RELCH: variants seen among roughly 807,000 people sequenced by gnomAD.
The protein encoded by RELCH is RAB11-binding protein RELCH.
In RELCH, 41 loss-of-function variants were observed where a neutral mutation model predicts 150.3. That is an observed-to-expected ratio of 0.27 (90% CI 0.21 to 0.35). The LOEUF (loss-of-function observed/expected upper bound fraction) is 0.35, where lower values mean the gene tolerates loss of function less well. Ranked by LOEUF, RELCH falls within the 10% of genes least tolerant of loss-of-function variation. The pLI, the probability that RELCH is intolerant of heterozygous loss-of-function variation, is 1.00. For missense variants in RELCH, 1,092 were observed against 1,467.8 expected (o/e 0.74, Z 4.18); for synonymous variants, 478 against 531.8 (o/e 0.90, Z 1.39).
At chr18:62,221,656 A>G (rs903420470) in intron 5 of RELCH, among the ~76,000 whole-genome samples, 159 bp downstream of exon 5, 2 of 150,564 alleles carry the variant, frequency 1.3e-5, no homozygotes, top group Non-Finnish European at 3.0e-5. Flanking sequence ...AGCTAATTCT[A>G]TTAGCTTACA....
intron 2 of RELCH, among the ~76,000 whole-genome samples, chr18:62,219,325 C>CTTTTTT (rs202196452): frequency 1.8e-5 from 2 of 112,856 alleles, no homozygotes; most frequent in Non-Finnish European, 3.6e-5. Flanking sequence ...TTCTTTTTTT[C>CTTTTTT]TTTTTTTTTT....
intron 8 of RELCH, 94 bp from the exon 9 acceptor site, chr18:62,231,100 C>A: frequency 1.2e-6 from 1 of 824,044 alleles, no homozygotes; most frequent in Non-Finnish European, 2.0e-6. Context: ...AGGATTAATG[C>A]TGGAATGGAA....
intron 11 of RELCH, among the ~76,000 whole-genome samples, chr18:62,249,276 A>G (rs2148521073): frequency 6.6e-6 from 1 of 152,328 alleles, no homozygotes; most frequent in Non-Finnish European, 1.5e-5. Flanking sequence ...AGGAGAATAC[A>G]AACACTTCTA....
chr18:62,208,729 A>G (rs373371595), intron 1 of RELCH, among the ~76,000 whole-genome samples: 2 of 152,072 alleles, frequency 1.3e-5, no homozygotes, highest in East Asian at 1.9e-4. Flanking sequence ...CTCTTCATTT[A>G]GCTCCCACTT....
intron 11 of RELCH, among the ~76,000 whole-genome samples, chr18:62,250,858 A>G (rs1003970200): frequency 1.3e-5 from 2 of 152,260 alleles, no homozygotes; most frequent in African/African-American, 4.8e-5. Context: ...TACTGATTTT[A>G]TAATTAATGT....
Position 62,221,454 on chromosome 18 carries a change from A to G in RELCH, c.815A>G (p.Tyr272Cys), listed in dbSNP as rs201602986. The G allele has an allele frequency of 1.9e-6, 3 of 1,573,370 alleles. No individual in the cohort carries two copies. The highest frequency in any genetic ancestry group is 1.4e-5 in the African/African-American group (1 of 73,776). Residue 272 changes from tyrosine to cysteine, a missense_variant, in exon 5 of 29, where the codon TAT becomes TGT. Physicochemically the swap from Tyr to Cys is radical, Grantham distance 194 (BLOSUM62 -2). Transcript: ENST00000644646. ...AATGAATTTTTATTGAAGAATAACT[A>G]TAAGCTTACATCAATAACCTTTTCA... ...LVNEFLLKNN[Y>C]KLTSITFSDE...
At chr18:62,262,887 G>A (rs561459239) in intron 16 of RELCH, among the ~76,000 whole-genome samples, 148 of 53,568 alleles carry the variant, frequency 2.8e-3, no homozygotes, top group African/African-American at 0.015. Context: ...TGTTGGCAGG[G>A]TAGTCTTAGG....
In RELCH at chr18:62,231,249, G is replaced by A. The variant is rs1292716732; in HGVS notation, c.1504G>A (p.Asp502Asn). ...ACTCTCTTTTTGTCGAATGTCAGCAGATAGTCGTTTAGGATACGAGGTAAA... is the reference window on the plus strand; with the variant it reads ...ACTCTCTTTTTGTCGAATGTCAGCAAATAGTCGTTTAGGATACGAGGTAAA... ...ALLSFCRMSADSRLGYEVSRI... is the reference protein window; with the variant it reads ...ALLSFCRMSANSRLGYEVSRI... The change falls in exon 9 of 29, where the codon GAT becomes AAT. Residue 502 changes from aspartate to asparagine, a missense_variant. Transcript: ENST00000644646. The A allele has an allele frequency of 1.2e-6, 2 of 1,606,288 alleles. No homozygotes were observed. The highest frequency in any genetic ancestry group is 2.2e-5 in the South Asian group (2 of 90,782).
chr18:62,209,434 C>G (rs996558505), intron 1 of RELCH, among the ~76,000 whole-genome samples: 4 of 152,146 alleles, frequency 2.6e-5, no homozygotes, highest in Non-Finnish European at 5.9e-5. Flanking sequence ...TTGTCAAAAA[C>G]TACTTGACCA....
chr18:62,269,500 A>T, intron 20 of RELCH: 1 of 312,782 alleles, frequency 3.2e-6, no homozygotes, highest in South Asian at 2.5e-5. Context: ...CACATTATAC[A>T]CATAGCCTGA....
intron 28 of RELCH, among the ~76,000 whole-genome samples, chr18:62,299,654 T>C (rs957014894): frequency 4.6e-5 from 7 of 152,184 alleles, no homozygotes; most frequent in African/African-American, 1.7e-4. Flanking sequence ...CCACAGAGGA[T>C]TAAAACAATA....
At chr18:62,192,728 C>A (rs2038740143) in intron 1 of RELCH, among the ~76,000 whole-genome samples, 1 of 152,106 alleles carries the variant, frequency 6.6e-6, no homozygotes, top group African/African-American at 2.4e-5. Flanking sequence ...ATGCTCTCTT[C>A]TGTTCTGTTG....
intron 20 of RELCH, among the ~76,000 whole-genome samples, chr18:62,273,516 T>G (rs938667204): frequency 4.6e-5 from 7 of 152,102 alleles, no homozygotes; most frequent in Admixed American, 1.3e-4. Flanking sequence ...GAACAAAAAT[T>G]CGTAAGGTAA....
chr18:62,193,406 T>A (rs942617672), intron 1 of RELCH, among the ~76,000 whole-genome samples: 3 of 152,136 alleles, frequency 2.0e-5, no homozygotes, highest in Non-Finnish European at 4.4e-5. Context: ...CCATGTTGAA[T>A]AGGAGTGGGG....
intron 2 of RELCH, among the ~76,000 whole-genome samples, chr18:62,212,559 T>C (rs1396527958): frequency 6.6e-6 from 1 of 152,246 alleles, no homozygotes; most frequent in African/African-American, 2.4e-5. Flanking sequence ...ACCCTCGTGG[T>C]CATTATGAAT....
rs995951849 is a variant in RELCH at position 62,293,259 on chromosome 18, T to G, written c.3459+1628T>G. Reference sequence around the variant, plus strand: ...GAGAAGCAAAACCAAAATGATATATTAAGAGATTTATTTTAAGGAATTGGC... The same window carrying G: ...GAGAAGCAAAACCAAAATGATATATGAAGAGATTTATTTTAAGGAATTGGC... On this transcript the variant is annotated intron_variant, in intron 27 of 28. Transcript: ENST00000644646. 2.0e-5 allele frequency among the ~76,000 whole-genome samples: 3 copies of G among 152,144 alleles called. No homozygotes were observed. The East Asian group carries it at 5.8e-4, about 29-fold the overall frequency.
At chr18:62,227,224 T>G in intron 5 of RELCH, 65 bp from the exon 6 acceptor site, 1 of 1,114,704 alleles carries the variant, frequency 9.0e-7, no homozygotes, top group South Asian at 1.5e-5. Flanking sequence ...AGCAATAATA[T>G]GAATTTCAAA....
In RELCH at chr18:62,187,567, A is replaced by G; in HGVS notation, c.62A>G (p.Asp21Gly). The G allele has an allele frequency of 2.0e-6, 3 of 1,519,550 alleles. No homozygotes were observed. Among genetic ancestry groups the G allele is most frequent in the Non-Finnish European group, 2.6e-6 (3 of 1,134,460 alleles). The allele number at this position is 1,519,550 out of a possible 1,614,324, so 94.1% of individuals were successfully genotyped here. The change falls in exon 1 of 29, where the codon GAT (aspartate) becomes GGT (glycine). Residue 21 changes from aspartate to glycine, a missense_variant. Transcript: ENST00000644646. Reference protein sequence around the residue: ...SGGGVNPFLSDSDEDDDEVAA... With the variant: ...SGGGVNPFLSGSDEDDDEVAA... The stretch of plus-strand genomic sequence containing the variant: ...GGCGGCGTGAATCCATTTCTCAGTG[A>G]TTCGGATGAGGACGATGACGAGGTA...
At chr18:62,201,263 G>A (rs1239500737) in intron 1 of RELCH, among the ~76,000 whole-genome samples, 1 of 151,858 alleles carries the variant, frequency 6.6e-6, no homozygotes, top group Non-Finnish European at 1.5e-5. Flanking sequence ...GTGAGCCACC[G>A]CCCCCGGCCC....
Sources: gnomAD v4.1 joint callset for allele counts (sites outside exome capture counted in the v4.1 genomes callset) on GRCh38, gnomAD v4.1.1 for gene constraint, MANE v1.5 for transcripts, NCBI Gene and HGNC (gene_info 2026-07-23, HGNC 2026-07-21) for gene names.